The following IL23R variants were observed in gnomAD, a reference collection of about 807,000 sequenced individuals.
IL23R encodes the protein interleukin-23 receptor.
IL23R carries 34 observed loss-of-function variants against 56.9 expected under a neutral mutation model. The observed-to-expected ratio is 0.60, with a 90% CI of 0.45 to 0.80. The LOEUF (loss-of-function observed/expected upper bound fraction) is 0.80, where lower values mean the gene tolerates loss of function less well. IL23R is among the 30% of genes least tolerant of loss of function. The pLI, the probability that IL23R is intolerant of heterozygous loss-of-function variation, is 0.00. For missense variants in IL23R, 635 were observed against 730.0 expected (o/e 0.87, Z 1.50); for synonymous variants, 230 against 249.2 (o/e 0.92, Z 0.73).
At position 67,259,111 on chromosome 1, in the gene IL23R, T is replaced by C. The variant is rs779703262; in HGVS notation, c.1873T>C (p.Ser625Pro). The C allele has an allele frequency of 1.4e-5, 23 of 1,613,794 alleles. No homozygotes were observed. In the South Asian group the frequency reaches 2.4e-4, roughly 17 times the overall value. The change falls in exon 11 of 11, where the codon TCA (serine) becomes CCA (proline). Residue 625 changes from serine to proline, a missense_variant. By Grantham distance (74) the Ser-to-Pro change is moderately conservative. Coordinates refer to ENST00000347310, the MANE Select transcript of IL23R (RefSeq NM_144701.3). ...TTTGGAAAGCCACTTCAATAGGATT[T>C]CACTCTTGGAAAAGTAGAGCTGTGT... Reference protein sequence around the residue: ...NILESHFNRISLLEK With the variant: ...NILESHFNRIPLLEK
intron 1 of IL23R, 118 bp downstream of exon 1, chr1:67,166,659 T>C (rs188726797): frequency 1.9e-3 from 284 of 152,498 alleles, no homozygotes; most frequent in African/African-American, 6.6e-3. Flanking sequence ...TGGTTACTGA[T>C]GAAAAGGGAA....
At position 67,228,363 on chromosome 1, in the gene IL23R, C is replaced by CTT. The variant is rs78083258; in HGVS notation, c.956-8336_956-8335dup. Reference sequence around the variant, plus strand: ...CATACCCAGCTAATTTTTTTTCTTCCTTTTTTTTTTTTTTTGTAGAGACAG... The same window carrying CTT: ...CATACCCAGCTAATTTTTTTTCTTCCTTTTTTTTTTTTTTTTTGTAGAGACAG... On this transcript the variant is annotated intron_variant, in intron 7 of 10. Coordinates refer to ENST00000347310, the MANE Select transcript of IL23R (RefSeq NM_144701.3). Among the ~76,000 whole-genome samples the CTT allele has an allele frequency of 3.8e-3, 403 of 105,778 alleles. 7 individuals carry two copies. The highest frequency in any genetic ancestry group is 0.02 in the Middle Eastern group (3 of 148). The allele number at this position is 105,778 out of a possible 152,430, so 69.4% of individuals were successfully genotyped here.
intron 5 of IL23R, among the ~76,000 whole-genome samples, chr1:67,201,132 G>C (rs112635646): frequency 7.1e-6 from 1 of 140,840 alleles, no homozygotes; most frequent in Non-Finnish European, 1.6e-5. Flanking sequence ...TGGCTGGGCC[G>C]GTGGCTCACG....
intron 1 of IL23R, among the ~76,000 whole-genome samples, chr1:67,140,721 G>T (rs1348841635): frequency 1.3e-5 from 2 of 152,060 alleles, no homozygotes; most frequent in Non-Finnish European, 2.9e-5. Flanking sequence ...TTGTAACGAT[G>T]ATTTTTATTT....
intron 6 of IL23R, among the ~76,000 whole-genome samples, chr1:67,218,348 G>GTATATATATATATATATATA (rs1472585876): frequency 7.0e-6 from 1 of 142,320 alleles, no homozygotes; most frequent in African/African-American, 2.7e-5. Context: ...GTGTGTGTGT[G>GTATATATATATATATATATA]TGTGTGTGTG....
chr1:67,213,335 A>G (rs888468969), intron 6 of IL23R, among the ~76,000 whole-genome samples: 5 of 152,212 alleles, frequency 3.3e-5, no homozygotes, highest in African/African-American at 1.2e-4. Flanking sequence ...AATGCTAGCT[A>G]GTAATGTTAC....
intron 5 of IL23R, among the ~76,000 whole-genome samples, chr1:67,206,631 T>C (rs546953911): frequency 2.0e-5 from 3 of 151,930 alleles, no homozygotes; most frequent in South Asian, 2.1e-4. Flanking sequence ...TTAGTTAGGA[T>C]TGTAAGGGAG....
intron 7 of IL23R, among the ~76,000 whole-genome samples, chr1:67,228,129 CTTCT>C (rs1558254405): frequency 2.1e-5 from 2 of 93,046 alleles, no homozygotes; most frequent in South Asian, 3.5e-4. Context: ...TCTTTCTTTC[CTTCT>C]TTCTTTCTGT....
intron 7 of IL23R, among the ~76,000 whole-genome samples, chr1:67,229,789 T>G (rs1570894465): frequency 1.3e-5 from 2 of 152,206 alleles, no homozygotes; most frequent in African/African-American, 4.8e-5. Flanking sequence ...GTTCACAGAT[T>G]CCAGGGATTA....
intron 4 of IL23R, among the ~76,000 whole-genome samples, chr1:67,197,549 G>A (rs945805736): frequency 2.0e-5 from 3 of 152,188 alleles, no homozygotes; most frequent in Admixed American, 6.5e-5. Context: ...GTCTGAGGGG[G>A]GCCCTATTCA....
intron 3 of IL23R, among the ~76,000 whole-genome samples, chr1:67,172,317 G>A (rs1646953379): frequency 6.6e-6 from 1 of 152,120 alleles, no homozygotes; most frequent in Admixed American, 6.6e-5. Flanking sequence ...ATGATTATAT[G>A]TATTTTTTTA....
In IL23R at chr1:67,257,963, A is replaced by C. The variant is rs1653041680; in HGVS notation, c.1240-515A>C. ...AAGTGATCTGCCTGCCTTGGCCTCA[A>C]AGTGCTGGGATTACAGGCCTTATCC... is the stretch of plus-strand genomic sequence containing the variant. On this transcript the variant is annotated intron_variant, in intron 10 of 10. Coordinates refer to ENST00000347310, the MANE Select transcript of IL23R (RefSeq NM_144701.3). 2.0e-5 allele frequency among the ~76,000 whole-genome samples: 3 copies of C among 152,006 alleles called. No individual in the cohort carries two copies. In the South Asian group the frequency reaches 6.2e-4, roughly 32 times the overall value.
chr1:67,204,442 A>G (rs1451385950), intron 5 of IL23R, among the ~76,000 whole-genome samples: 2 of 152,244 alleles, frequency 1.3e-5, no homozygotes, highest in Non-Finnish European at 2.9e-5. Flanking sequence ...TTACATAATA[A>G]ATGCCAGTTT....
chr1:67,245,633 C>T (rs1370109316), intron 9 of IL23R, among the ~76,000 whole-genome samples: 2 of 152,166 alleles, frequency 1.3e-5, no homozygotes, highest in African/African-American at 2.4e-5. Flanking sequence ...CTATGTTGAA[C>T]CAGCCTTGCA....
At chr1:67,204,972 G>A (rs1380738243) in intron 5 of IL23R, among the ~76,000 whole-genome samples, 1 of 152,042 alleles carries the variant, frequency 6.6e-6, no homozygotes, top group Non-Finnish European at 1.5e-5. Flanking sequence ...AGAGACAGGT[G>A]TTTCGCTATG....
At chr1:67,167,291 G>A (rs558404157) in intron 1 of IL23R, among the ~76,000 whole-genome samples, 12 of 152,200 alleles carry the variant, frequency 7.9e-5, no homozygotes, top group African/African-American at 2.4e-4. Flanking sequence ...GCCTGATCTC[G>A]AACTCCTGGG....
intron 1 of IL23R, among the ~76,000 whole-genome samples, chr1:67,141,992 C>A (rs1646642728): frequency 6.6e-6 from 1 of 152,148 alleles, no homozygotes; most frequent in Non-Finnish European, 1.5e-5. Context: ...TTTTAAGGAA[C>A]AACATGTTTT....
intron 7 of IL23R, among the ~76,000 whole-genome samples, chr1:67,225,387 G>T (rs1012379163): frequency 2.0e-5 from 3 of 152,180 alleles, no homozygotes; most frequent in Non-Finnish European, 4.4e-5. Context: ...GGTAAAAAAG[G>T]CAGCCTTAGC....
intron 1 of IL23R, among the ~76,000 whole-genome samples, chr1:67,139,808 CT>C (rs1208739654): frequency 3.3e-5 from 5 of 152,170 alleles, no homozygotes; most frequent in African/African-American, 1.2e-4. Context: ...TCTCCAGTAG[CT>C]GTCCTACAGG....
Sources: allele counts gnomAD v4.1 joint callset (sites outside exome capture counted in the v4.1 genomes callset), GRCh38; gene constraint gnomAD v4.1.1; transcripts MANE v1.5; gene names NCBI Gene and HGNC (gene_info 2026-07-23, HGNC 2026-07-21).